NPSR1: variants seen among roughly 807,000 people sequenced by gnomAD.
The protein encoded by NPSR1 is neuropeptide S receptor 1.
NPSR1 carries 48 observed loss-of-function variants against 46.9 expected under a neutral mutation model. The observed-to-expected ratio is 1.02, with a 90% CI of 0.81 to 1.30. The LOEUF is 1.30. Ranked by LOEUF, NPSR1 falls within the 50% of genes most tolerant of loss-of-function variation. NPSR1 has a pLI of 0.00. For missense variants in NPSR1, 450 were observed against 449.5 expected, an observed-to-expected ratio of 1.00 and a Z score of -0.01; for synonymous variants, 176 against 168.1, an observed-to-expected ratio of 1.05 and a Z score of -0.36.
chr7:34,678,862 T>C (rs1220354046), intron 1 of NPSR1, among the ~76,000 whole-genome samples: 1 of 151,644 alleles, frequency 6.6e-6, no homozygotes, highest in African/African-American at 2.4e-5. Context: ...GAAATTCTTA[T>C]AAACTTCACT....
intron 1 of NPSR1, among the ~76,000 whole-genome samples, chr7:34,661,444 G>C (rs1419795): frequency 2.0e-5 from 3 of 152,142 alleles, no homozygotes; most frequent in Non-Finnish European, 1.5e-5. Flanking sequence ...CACTTACCTA[G>C]GCTCCTGACT....
intron 2 of NPSR1, among the ~76,000 whole-genome samples, chr7:34,715,649 T>G (rs1201886934): frequency 6.6e-6 from 1 of 152,178 alleles, no homozygotes; most frequent in Non-Finnish European, 1.5e-5. Flanking sequence ...GGAGGCCACG[T>G]GTTGAGATGG....
chr7:34,691,678 T>G (rs967037532), intron 2 of NPSR1, among the ~76,000 whole-genome samples: 3 of 152,264 alleles, frequency 2.0e-5, no homozygotes, highest in African/African-American at 7.2e-5. Context: ...TATTGTAAAG[T>G]ATACACGACC....
At chr7:34,664,609 T>A (rs545871207) in intron 1 of NPSR1, among the ~76,000 whole-genome samples, 4 of 100,994 alleles carry the variant, frequency 4.0e-5, no homozygotes, top group East Asian at 5.1e-4. Flanking sequence ...GTTTCTTTTC[T>A]TTTTTTTAAA....
In NPSR1 at chr7:34,849,569, C is replaced by T. The variant is rs769162360; in HGVS notation, c.1030C>T (p.Gln344Ter). ...CTTTATTTTGACTTTCTCCAGGGAG[C>T]AAAGATCACAGGATTCCAGAATGAC... is the stretch of plus-strand genomic sequence containing the variant. ...SSSISFPCRE[Q>*]RSQDSRMTFR... Residue 344 changes from glutamine (Q) to a stop codon, truncating the protein, a stop_gained, in exon 9 of 9, where the codon CAA becomes TAA. Transcript: ENST00000360581. LOFTEE classifies it high-confidence loss of function. 8.1e-6 allele frequency: 13 copies of T among 1,613,996 alleles called. No individual in the cohort carries two copies. Among genetic ancestry groups the T allele is most frequent in the Non-Finnish European group, 1.1e-5 (13 of 1,179,870 alleles).
chr7:34,869,131 T>C (rs950471896), intron 8 of NPSR1, among the ~76,000 whole-genome samples: 4 of 151,906 alleles, frequency 2.6e-5, no homozygotes, highest in African/African-American at 9.7e-5. Flanking sequence ...GCAGAACGAA[T>C]GTCTACTCCA....
chr7:34,797,505 T>C (rs1414238292), intron 3 of NPSR1, among the ~76,000 whole-genome samples: 1 of 152,132 alleles, frequency 6.6e-6, no homozygotes, highest in Non-Finnish European at 1.5e-5. Context: ...TAAAATCTAC[T>C]TTTAAACATG....
At chr7:34,807,442 G>A (rs1405000070) in intron 3 of NPSR1, among the ~76,000 whole-genome samples, 2 of 152,004 alleles carry the variant, frequency 1.3e-5, no homozygotes, top group African/African-American at 2.4e-5. Context: ...ATATAACTTT[G>A]TGAATATCCT....
At chr7:34,663,951 G>A (rs1324627814) in intron 1 of NPSR1, among the ~76,000 whole-genome samples, 1 of 152,236 alleles carries the variant, frequency 6.6e-6, no homozygotes, top group Non-Finnish European at 1.5e-5. Flanking sequence ...CTGGTGGACA[G>A]TGTATCAAAG....
chr7:34,853,423 A>G (rs1790982042), downstream of NPSR1, among the ~76,000 whole-genome samples: 1 of 152,206 alleles, frequency 6.6e-6, no homozygotes, highest in Non-Finnish European at 1.5e-5. Context: ...TGAAGGGAGA[A>G]GGCCGTAACT....
Position 34,802,132 on chromosome 7 carries a change from C to A in NPSR1, c.385-9638C>A, listed in dbSNP as rs1045134983. Reference sequence around the variant, plus strand: ...GAAGAATCAATATCGTGAAAATGCCCATACTGCCCAAGGTATTTTATAGAT... The same window carrying A: ...GAAGAATCAATATCGTGAAAATGCCAATACTGCCCAAGGTATTTTATAGAT... On this transcript the variant is annotated intron_variant, in intron 3 of 8. Coordinates refer to ENST00000360581, the MANE Select transcript of NPSR1 (RefSeq NM_207172.2). Among the ~76,000 whole-genome samples, 52 of 150,404 alleles carry A rather than the reference C, an allele frequency of 3.5e-4. 5 individuals are homozygous for A. The highest frequency in any genetic ancestry group is 1.2e-3 in the African/African-American group (49 of 39,754).
In NPSR1 at chr7:34,778,385, A is replaced by T. The variant is rs1787074085; in HGVS notation, c.281-77A>T. ...TGAACCTCCCCAGGATTTCATTTCT[A>T]TTGTGGCTTAGCTGCAAATTTGAAA... On this transcript the variant is annotated intron_variant, in intron 2 of 8. Coordinates refer to ENST00000360581, the MANE Select transcript of NPSR1 (RefSeq NM_207172.2). 3.2e-5 allele frequency: 26 copies of T among 821,208 alleles called. No individual in the cohort carries two copies. The South Asian group carries it at 4.6e-4, about 15-fold the overall frequency. 50.9% of individuals were successfully genotyped at this position (821,208 alleles called of 1,614,324 possible). A position where few individuals can be genotyped will look rare whatever the true frequency, so the allele number is the denominator to read the frequency against.
At chr7:34,808,570 C>T (rs1300159547) in intron 3 of NPSR1, among the ~76,000 whole-genome samples, 2 of 152,154 alleles carry the variant, frequency 1.3e-5, no homozygotes, top group Non-Finnish European at 2.9e-5. Context: ...GTGTTTCTAA[C>T]TTCATTGCTT....
At chr7:34,853,114 G>A (rs761348179), downstream of NPSR1, among the ~76,000 whole-genome samples, 7 of 152,050 alleles carry the variant, frequency 4.6e-5, no homozygotes, top group African/African-American at 1.5e-4. Flanking sequence ...AGCCCAACAC[G>A]CAGCTTAAAC....
intron 2 of NPSR1, among the ~76,000 whole-genome samples, chr7:34,768,859 G>A (rs10278663): frequency 0.14 from 21,815 of 152,070 alleles, 2,067 homozygotes; most frequent in East Asian, 0.33. Context: ...AGGAGGATGC[G>A]GTGACTGAGT....
chr7:34,849,293 TA>T, intron 8 of NPSR1: 8 of 1,457,324 alleles, frequency 5.5e-6, no homozygotes, highest in Non-Finnish European at 7.5e-6. Context: ...TTAACATCTG[TA>T]AACCTCAGCT....
intron 6 of NPSR1, among the ~76,000 whole-genome samples, chr7:34,840,268 A>C (rs1446417056): frequency 2.6e-5 from 4 of 152,182 alleles, no homozygotes; most frequent in African/African-American, 4.8e-5. Flanking sequence ...GAATGTGAAA[A>C]CATTCTGGAG....
intron 1 of NPSR1, among the ~76,000 whole-genome samples, chr7:34,663,093 G>GTAT (rs1554301952): frequency 8.9e-6 from 1 of 112,408 alleles, no homozygotes; most frequent in South Asian, 2.9e-4. Flanking sequence ...ATGTGTGTGT[G>GTAT]GCGGGGGGGA....
chr7:34,750,961 G>A (rs2128723818), intron 2 of NPSR1: 1 of 763,782 alleles, frequency 1.3e-6, no homozygotes, highest in East Asian at 2.6e-5. Context: ...TCTGGAAGGA[G>A]ACTATAGATT....
Sources: gnomAD v4.1 joint callset for allele counts (sites outside exome capture counted in the v4.1 genomes callset) on GRCh38, gnomAD v4.1.1 for gene constraint, MANE v1.5 for transcripts, NCBI Gene and HGNC (gene_info 2026-07-23, HGNC 2026-07-21) for gene names.